CRYBG3: variants seen among roughly 807,000 people sequenced by gnomAD.
The protein encoded by CRYBG3 is very large A-kinase anchor protein.
A neutral mutation model predicts 244.2 loss-of-function variants in CRYBG3; 127 were observed. That is an observed-to-expected ratio of 0.52 (90% CI 0.45 to 0.60). CRYBG3 has a LOEUF of 0.60. CRYBG3 is among the 20% of genes least tolerant of loss of function. The probability of loss-of-function intolerance (pLI) is 0.00; values close to 1 mark genes in which losing one functional copy is unlikely to be tolerated. For synonymous variants in CRYBG3, 1,132 were observed against 1,195.8 expected, an observed-to-expected ratio of 0.95 and a Z score of 1.10; for missense variants, 3,325 against 3,442.5, an observed-to-expected ratio of 0.97 and a Z score of 0.85.
intron 17 of CRYBG3, among the ~76,000 whole-genome samples, chr3:97,927,547 A>G (rs1241962613): frequency 6.6e-6 from 1 of 152,116 alleles, no homozygotes; most frequent in Admixed American, 6.6e-5. Flanking sequence ...AGGAATTACA[A>G]CAAAAACAAA....
At chr3:97,924,207 G>A in intron 17 of CRYBG3, 3 of 333,742 alleles carry the variant, frequency 9.0e-6, no homozygotes, top group South Asian at 7.0e-5. Flanking sequence ...AAATGGTGTT[G>A]AGACAATTGA....
Position 97,876,850 on chromosome 3 carries a change from G to A in CRYBG3, c.5656G>A (p.Ala1886Thr). Residue 1886 changes from alanine to threonine, a missense_variant, in exon 4 of 22, where the codon GCC (alanine) becomes ACC (threonine). Transcript: ENST00000389622. The part of the protein sequence containing the change: ...GLELTTKQGE[A>T]MLPAFESKTP... Reference sequence around the variant, plus strand: ...AGAATTGACCACTAAACAAGGGGAGGCCATGCTTCCTGCATTTGAAAGTAA... The same window carrying A: ...AGAATTGACCACTAAACAAGGGGAGACCATGCTTCCTGCATTTGAAAGTAA... 1 of 1,378,604 alleles carries A rather than the reference G, an allele frequency of 7.3e-7. No homozygotes were observed. The allele number at this position is 1,378,604 out of a possible 1,614,324, so 85.4% of individuals were successfully genotyped here.
chr3:97,883,263 T>C (rs941134541), intron 7 of CRYBG3, among the ~76,000 whole-genome samples: 2 of 152,188 alleles, frequency 1.3e-5, no homozygotes, highest in African/African-American at 4.8e-5. Context: ...CACTGAAAGA[T>C]TTAACTGTAG....
chr3:97,833,634 G>A (rs2038687260), intron 1 of CRYBG3, among the ~76,000 whole-genome samples: 1 of 151,990 alleles, frequency 6.6e-6, no homozygotes, highest in African/African-American at 2.4e-5. Flanking sequence ...AGGTTGATGG[G>A]TTCAGCAAAC....
At chr3:97,904,390 C>A (rs367971392) in intron 15 of CRYBG3, among the ~76,000 whole-genome samples, 2 of 152,084 alleles carry the variant, frequency 1.3e-5, no homozygotes, top group Non-Finnish European at 2.9e-5. Context: ...TCAAGAGATA[C>A]TTTATAACAT....
chr3:97,850,640 C>A (rs767333648), intron 2 of CRYBG3, among the ~76,000 whole-genome samples: 1 of 152,080 alleles, frequency 6.6e-6, no homozygotes, highest in Non-Finnish European at 1.5e-5. Flanking sequence ...TTGTCATTTT[C>A]TAATGAAAAG....
chr3:97,869,263 G>A (rs1343992330), intron 3 of CRYBG3, among the ~76,000 whole-genome samples: 6 of 151,952 alleles, frequency 3.9e-5, no homozygotes, highest in Non-Finnish European at 8.8e-5. Flanking sequence ...TTTGTTGGTA[G>A]TTACAAATTA....
intron 1 of CRYBG3, among the ~76,000 whole-genome samples, chr3:97,834,386 T>C (rs1442365311): frequency 6.6e-6 from 1 of 152,184 alleles, no homozygotes; most frequent in Non-Finnish European, 1.5e-5. Flanking sequence ...GTCTCACCAA[T>C]ATTTGTTTTA....
chr3:97,942,124 T>C, intron 20 of CRYBG3, 160 bp from the exon 21 acceptor site: 1 of 490,752 alleles, frequency 2.0e-6, no homozygotes, highest in Non-Finnish European at 3.3e-6. Context: ...AAAGAAGACA[T>C]TAAAAAAGGC....
At position 97,872,272 on chromosome 3, in the gene CRYBG3, T is replaced by A; in HGVS notation, c.1078T>A (p.Ser360Thr). Residue 360 changes from serine to threonine, a missense_variant, in exon 4 of 22, where the codon TCT becomes ACT. Physicochemically the swap from Ser to Thr is moderately conservative, Grantham distance 58. Transcript: ENST00000389622. Reference protein sequence around the residue: ...SVTNSSYDGESDSQHHLSCEP... With the variant: ...SVTNSSYDGETDSQHHLSCEP... ...GACTAACTCCAGCTACGATGGAGAA[T>A]CTGACTCACAGCACCATTTAAGTTG... The A allele has an allele frequency of 6.5e-7, 1 of 1,535,814 alleles. No individual in the cohort carries two copies. The highest frequency in any genetic ancestry group is 8.7e-7 in the Non-Finnish European group (1 of 1,146,646).
rs998291900 is a variant in CRYBG3 at position 97,822,343 on chromosome 3, G to C, written c.137G>C (p.Arg46Pro). 1.3e-6 allele frequency: 2 copies of C among 1,503,632 alleles called. No individual in the cohort carries two copies. Among genetic ancestry groups the C allele is most frequent in the Admixed American group, 2.1e-5 (1 of 47,892 alleles). 93.1% of individuals were successfully genotyped at this position (1,503,632 alleles called of 1,614,324 possible). ...ACGAGCCCGCCTCCAGCTCCAGGCC[G>C]GTCCGCTGCCAGGTGGGAGTCGAGG... Reference protein sequence around the residue: ...PGTSPPPAPGRSAASVENEPM... With the variant: ...PGTSPPPAPGPSAASVENEPM... The change falls in exon 1 of 22, where the codon CGG (arginine) becomes CCG (proline). Residue 46 changes from arginine to proline, a missense_variant. Arg to Pro is a moderately radical substitution (Grantham distance 103). Coordinates refer to ENST00000389622, the MANE Select transcript of CRYBG3 (RefSeq NM_153605.4).
At chr3:97,856,789 G>A (rs973392048) in intron 2 of CRYBG3, among the ~76,000 whole-genome samples, 1 of 151,690 alleles carries the variant, frequency 6.6e-6, no homozygotes, top group Admixed American at 6.6e-5. Context: ...GATTTTACTT[G>A]GGTCTTTTCT....
At chr3:97,867,409 A>C (rs575797185) in intron 3 of CRYBG3, among the ~76,000 whole-genome samples, 89 of 152,328 alleles carry the variant, frequency 5.8e-4, no homozygotes, top group Non-Finnish European at 1.0e-3. Flanking sequence ...AAGTTTAGCT[A>C]TGACTTTCAG....
intron 3 of CRYBG3, among the ~76,000 whole-genome samples, chr3:97,865,865 A>G (rs1019116803): frequency 6.6e-6 from 1 of 152,204 alleles, no homozygotes; most frequent in Non-Finnish European, 1.5e-5. Context: ...GTATCAATAA[A>G]GAGATCAGTA....
rs831873 is a variant in CRYBG3, at chr3:97,921,000, C to T, written c.8241+5264C>T. On this transcript the variant is annotated intron_variant, in intron 17 of 21. Coordinates refer to ENST00000389622, the MANE Select transcript of CRYBG3 (RefSeq NM_153605.4). ...TTTGCAGCATTGAGCATGTAGCCTTCCCATAAAGCCCAGACCATGACATTA... is the reference window on the plus strand; with the variant it reads ...TTTGCAGCATTGAGCATGTAGCCTTTCCATAAAGCCCAGACCATGACATTA... Among the ~76,000 whole-genome samples, 380 of 152,210 alleles carry T rather than the reference C, an allele frequency of 2.5e-3. 3 individuals are homozygous for T. In the East Asian group the frequency reaches 0.025, roughly 10 times the overall value.
chr3:97,848,206 G>A (rs1055226700), intron 2 of CRYBG3, among the ~76,000 whole-genome samples: 2 of 152,166 alleles, frequency 1.3e-5, no homozygotes, highest in African/African-American at 4.8e-5. Context: ...AAATTTAAAT[G>A]TGTTAAATGT....
At chr3:97,880,851 A>G (rs946187509) in intron 6 of CRYBG3, among the ~76,000 whole-genome samples, 12 of 152,342 alleles carry the variant, frequency 7.9e-5, no homozygotes, top group African/African-American at 2.2e-4. Flanking sequence ...CTATGTTCAG[A>G]AAGTATTTTT....
chr3:97,838,705 G>A (rs2038770619), intron 1 of CRYBG3, among the ~76,000 whole-genome samples: 1 of 152,026 alleles, frequency 6.6e-6, no homozygotes, highest in Non-Finnish European at 1.5e-5. Context: ...CTTGGGCCCA[G>A]TTTTCCACTG....
intron 1 of CRYBG3, among the ~76,000 whole-genome samples, chr3:97,842,197 G>C (rs946022466): frequency 2.4e-4 from 37 of 152,148 alleles, no homozygotes; most frequent in Non-Finnish European, 4.9e-4. Flanking sequence ...CATCTTTAGA[G>C]TGAAGCTACT....
Sources: allele counts gnomAD v4.1 joint callset (sites outside exome capture counted in the v4.1 genomes callset), GRCh38; gene constraint gnomAD v4.1.1; transcripts MANE v1.5; gene names NCBI Gene and HGNC (gene_info 2026-07-23, HGNC 2026-07-21).